RPS6KC1: variants seen among roughly 807,000 people sequenced by gnomAD.
The protein encoded by RPS6KC1 is inactive ribosomal protein S6 kinase delta-1.
In RPS6KC1, 54 loss-of-function variants were observed where a neutral mutation model predicts 103.8. That is an observed-to-expected ratio of 0.52 (90% confidence interval 0.42 to 0.65). The LOEUF is 0.65. RPS6KC1 is among the 30% of genes least tolerant of loss of function. The pLI is 0.00. For missense variants in RPS6KC1, 1,151 were observed against 1,253.8 expected, an observed-to-expected ratio of 0.92 and a Z score of 1.24; for synonymous variants, 439 against 438.7, an observed-to-expected ratio of 1.00 and a Z score of -0.01.
chr1:213,241,529 G>A lies in RPS6KC1; in HGVS notation c.2053G>A (p.Asp685Asn), dbSNP rs770222266. 6.2e-7 allele frequency: 1 copy of A among 1,614,014 alleles called. No homozygotes were observed. The highest frequency in any genetic ancestry group is 8.5e-7 in the Non-Finnish European group (1 of 1,179,944). The stretch of plus-strand genomic sequence containing the variant: ...TGCTTTTGATGATGTCAGTGGTACT[G>A]ATGAAGGAAGACCTGATCTTCTTGT... ...DAAFDDVSGT[D>N]EGRPDLLVNL... The change falls in exon 11 of 15, where the codon GAT (aspartate) becomes AAT (asparagine). Residue 685 changes from aspartate (D) to asparagine (N), a missense_variant. Around this residue, in one of 3 missense-constraint regions of RPS6KC1, gnomAD observed 959 missense variants for 1,006.3 expected, o/e 0.95. Coordinates refer to ENST00000366960, the MANE Select transcript of RPS6KC1 (RefSeq NM_012424.6).
chr1:213,193,897 G>C (rs1397222039), intron 8 of RPS6KC1, among the ~76,000 whole-genome samples: 2 of 152,048 alleles, frequency 1.3e-5, no homozygotes, highest in Admixed American at 1.3e-4. Flanking sequence ...AAATGTGCTG[G>C]GATTGGAGGA....
the RPS6KC1 span, among the ~76,000 whole-genome samples, chr1:213,281,723 A>G: frequency 4.6e-5 from 7 of 152,164 alleles, no homozygotes; most frequent in Non-Finnish European, 2.9e-5. Context: ...ACTGTGGGCT[A>G]TCATGGTTTG....
chr1:213,443,904 A>AC, the RPS6KC1 span, among the ~76,000 whole-genome samples: 2 of 151,848 alleles, frequency 1.3e-5, no homozygotes, highest in Non-Finnish European at 2.9e-5. Context: ...CTGTCTCAAA[A>AC]AAAAAGAGAA....
At chr1:213,719,380 C>T in the RPS6KC1 span, among the ~76,000 whole-genome samples, 6 of 152,028 alleles carry the variant, frequency 3.9e-5, no homozygotes, top group South Asian at 2.1e-4. Context: ...ACAGTAAGGC[C>T]GATGCCCGCC....
chr1:213,105,686 A>G (rs894131658), intron 4 of RPS6KC1, among the ~76,000 whole-genome samples: 6 of 152,288 alleles, frequency 3.9e-5, no homozygotes, highest in Non-Finnish European at 8.8e-5. Context: ...GTGTTGCTTA[A>G]TTTTTCACCA....
At chr1:213,646,220 G>C in the RPS6KC1 span, among the ~76,000 whole-genome samples, 1 of 152,198 alleles carries the variant, frequency 6.6e-6, no homozygotes, top group African/African-American at 2.4e-5. Context: ...TGATAAGCCA[G>C]GCTTTGGGGC....
At position 213,125,437 on chromosome 1, in the gene RPS6KC1, G is replaced by A. The variant is rs80073273; in HGVS notation, c.473-4090G>A. ...TTGTGATGGACAGATGGACATTCTT[G>A]TATGTAGATCTTTTTTGTACACCTC... On this transcript the variant is annotated intron_variant, in intron 5 of 14. Transcript: ENST00000366960. Among the ~76,000 whole-genome samples, 1,419 of 152,078 alleles carry A rather than the reference G, an allele frequency of 9.3e-3. 47 individuals carry two copies. Among genetic ancestry groups the A allele is most frequent in the East Asian group, 0.071 (368 of 5,178 alleles).
At position 213,121,203 on chromosome 1, in the gene RPS6KC1, C is replaced by T. The variant is rs147036055; in HGVS notation, c.472+3793C>T. Among the ~76,000 whole-genome samples, 313 of 152,222 alleles carry T rather than the reference C, an allele frequency of 2.1e-3. 6 individuals are homozygous for T. The East Asian group carries it at 0.053, about 26-fold the overall frequency. On this transcript the variant is annotated intron_variant, in intron 5 of 14. Coordinates refer to ENST00000366960, the MANE Select transcript of RPS6KC1 (RefSeq NM_012424.6). ...CCTGGCCTTGGCCTCCCAAAGTGCT[C>T]GCATTATGGGTGTGAGCCACTGTGC...
chr1:213,434,613 A>G, the RPS6KC1 span, among the ~76,000 whole-genome samples: 1 of 152,014 alleles, frequency 6.6e-6, no homozygotes, highest in South Asian at 2.1e-4. Flanking sequence ...ATGCCTCCAC[A>G]CCCAGCTAAT....
chr1:213,225,995 G>A (rs530723455), intron 8 of RPS6KC1, among the ~76,000 whole-genome samples: 21 of 151,666 alleles, frequency 1.4e-4, no homozygotes, highest in South Asian at 1.2e-3. Context: ...ATGCCGAGGC[G>A]GGCGGATCAC....
intron 6 of RPS6KC1, among the ~76,000 whole-genome samples, chr1:213,164,754 A>T (rs1276683056): frequency 6.6e-6 from 1 of 152,118 alleles, no homozygotes; most frequent in Non-Finnish European, 1.5e-5. Context: ...ATAGAGACAG[A>T]CATGGGATCT....
chr1:213,704,616 A>G, the RPS6KC1 span, among the ~76,000 whole-genome samples: 1 of 152,170 alleles, frequency 6.6e-6, no homozygotes, highest in African/African-American at 2.4e-5. Context: ...CTGTTTCTCC[A>G]GATTGGTCCC....
the RPS6KC1 span, among the ~76,000 whole-genome samples, chr1:213,414,374 A>G: frequency 6.6e-6 from 1 of 152,214 alleles, no homozygotes; most frequent in African/African-American, 2.4e-5. Flanking sequence ...AATTAAGGTA[A>G]GGATCAAAAT....
the RPS6KC1 span, among the ~76,000 whole-genome samples, chr1:213,399,496 A>C: frequency 6.6e-6 from 1 of 152,138 alleles, no homozygotes; most frequent in Non-Finnish European, 1.5e-5. Flanking sequence ...TGCTTTACTT[A>C]AGGAGGTGAA....
At chr1:213,802,505 C>T in the RPS6KC1 span, among the ~76,000 whole-genome samples, 258 of 152,334 alleles carry the variant, frequency 1.7e-3, 1 homozygote, top group African/African-American at 5.9e-3. Context: ...ATCTTGCACT[C>T]TCAGGGAAAA....
At chr1:213,181,240 A>G (rs2092249738) in intron 8 of RPS6KC1, among the ~76,000 whole-genome samples, 1 of 152,214 alleles carries the variant, frequency 6.6e-6, no homozygotes, top group African/African-American at 2.4e-5. Context: ...ATCGGTGAAG[A>G]TCGTATATCT....
chr1:213,069,642 C>T (rs935884783), intron 1 of RPS6KC1, among the ~76,000 whole-genome samples: 7 of 152,106 alleles, frequency 4.6e-5, no homozygotes, highest in African/African-American at 1.4e-4. Context: ...CCTCACACTC[C>T]TAGGCAACCA....
the RPS6KC1 span, among the ~76,000 whole-genome samples, chr1:213,647,498 G>T: frequency 1.7e-3 from 263 of 152,218 alleles, 4 homozygotes; most frequent in East Asian, 0.022. Flanking sequence ...TTGAGACCTG[G>T]GTACCGATTC....
At chr1:213,690,746 A>G in the RPS6KC1 span, among the ~76,000 whole-genome samples, 9 of 152,334 alleles carry the variant, frequency 5.9e-5, no homozygotes, top group East Asian at 1.5e-3. Flanking sequence ...GGAAATGGGG[A>G]TAAGAATACA....
Sources: allele counts gnomAD v4.1 joint callset (sites outside exome capture counted in the v4.1 genomes callset), GRCh38; gene constraint gnomAD v4.1.1; regional missense constraint gnomAD v4.1.1; transcripts MANE v1.5; gene names NCBI Gene and HGNC (gene_info 2026-07-23, HGNC 2026-07-21).